ERC2: variants seen among roughly 807,000 people sequenced by gnomAD.
ERC2 encodes the protein ELKS/RAB6-interacting/CAST family member 2, also known as ERC protein 2.
ERC2 carries 42 observed loss-of-function variants against 114.8 expected under a neutral mutation model. The ratio of observed to expected loss-of-function variants is 0.37; its 90% CI spans 0.29 to 0.47. ERC2 has a LOEUF of 0.47. Ranked by LOEUF, ERC2 falls within the 20% of genes least tolerant of loss-of-function variation. The pLI, the probability that ERC2 is intolerant of heterozygous loss-of-function variation, is 0.99. For synonymous variants in ERC2, 454 were observed against 425.5 expected, an observed-to-expected ratio of 1.07 and a Z score of -0.82; for missense variants, 939 against 1,150.7, an observed-to-expected ratio of 0.82 and a Z score of 2.66.
rs564053565 is a variant in ERC2, at chr3:55,723,692, A to G, written c.2712+11079T>C. On this transcript the variant is annotated intron_variant, in intron 15 of 17. Transcript: ENST00000288221. ...TGAAAAATCCTTTTCCTTAATTTTCAGGAAAAAAATCCTGATACTATTATT... is the reference window on the plus strand; with the variant it reads ...TGAAAAATCCTTTTCCTTAATTTTCGGGAAAAAAATCCTGATACTATTATT... 3.3e-5 allele frequency among the ~76,000 whole-genome samples: 5 copies of G among 152,340 alleles called. No homozygotes were observed. In the South Asian group the frequency reaches 1.0e-3, roughly 32 times the overall value.
intron 10 of ERC2, among the ~76,000 whole-genome samples, chr3:55,997,153 T>C (rs2071585156): frequency 6.6e-6 from 1 of 152,118 alleles, no homozygotes; most frequent in African/African-American, 2.4e-5. Flanking sequence ...AAAAATCATT[T>C]CCCTCAAAAT....
At chr3:55,853,194 G>T (rs1276279680) in intron 14 of ERC2, among the ~76,000 whole-genome samples, 1 of 152,222 alleles carries the variant, frequency 6.6e-6, no homozygotes, top group Non-Finnish European at 1.5e-5. Context: ...ATGGAAGCTT[G>T]ATGAATCAAC....
At chr3:55,536,228 C>G (rs2053992004) in intron 17 of ERC2, among the ~76,000 whole-genome samples, 2 of 152,142 alleles carry the variant, frequency 1.3e-5, no homozygotes, top group Admixed American at 1.3e-4. Context: ...TTCTCCTGTC[C>G]TCCTTCACTG....
intron 7 of ERC2, among the ~76,000 whole-genome samples, chr3:56,068,916 T>C (rs957993363): frequency 6.6e-5 from 10 of 152,336 alleles, no homozygotes; most frequent in Non-Finnish European, 1.2e-4. Flanking sequence ...ACTGTTATGA[T>C]TTCAGTTCTT....
At chr3:56,265,311 T>C (rs972736771) in intron 3 of ERC2, among the ~76,000 whole-genome samples, 3 of 151,918 alleles carry the variant, frequency 2.0e-5, no homozygotes, top group Non-Finnish European at 2.9e-5. Flanking sequence ...GCATATATGG[T>C]CAACTAATTT....
At chr3:55,519,665 T>A (rs565660284) in intron 17 of ERC2, among the ~76,000 whole-genome samples, 1 of 152,172 alleles carries the variant, frequency 6.6e-6, no homozygotes, top group South Asian at 2.1e-4. Context: ...GGGTTTGATA[T>A]TATCTAGGCT....
intron 10 of ERC2, among the ~76,000 whole-genome samples, chr3:56,001,552 TGAAA>T (rs2072061645): frequency 6.6e-6 from 1 of 152,060 alleles, no homozygotes; most frequent in African/African-American, 2.4e-5. Flanking sequence ...AATTAGTCAC[TGAAA>T]AGACTGAAAA....
chr3:55,964,892 T>C (rs754472984), intron 12 of ERC2, among the ~76,000 whole-genome samples: 2 of 152,210 alleles, frequency 1.3e-5, no homozygotes, highest in East Asian at 1.9e-4. Flanking sequence ...GGCTTCTCTC[T>C]GGTCTGAAAG....
At chr3:56,014,088 T>C (rs999042718) in intron 8 of ERC2, among the ~76,000 whole-genome samples, 8 of 143,446 alleles carry the variant, frequency 5.6e-5, no homozygotes, top group Admixed American at 2.1e-4. Context: ...GCTTTTATTC[T>C]TCATCGCTAT....
intron 14 of ERC2, among the ~76,000 whole-genome samples, chr3:55,768,508 C>G (rs529024932): frequency 8.3e-4 from 126 of 152,252 alleles, no homozygotes; most frequent in Non-Finnish European, 1.6e-3. Flanking sequence ...AAAAATGAAA[C>G]TTCAGATAAA....
intron 14 of ERC2, among the ~76,000 whole-genome samples, chr3:55,850,156 T>C (rs746138302): frequency 3.7e-4 from 57 of 152,356 alleles, no homozygotes; most frequent in South Asian, 6.2e-4. Flanking sequence ...CTGGTCTGTG[T>C]CTCTGTGTAT....
chr3:56,315,017 A>T (rs2056796120), intron 2 of ERC2, among the ~76,000 whole-genome samples: 1 of 152,198 alleles, frequency 6.6e-6, no homozygotes, highest in African/African-American at 2.4e-5. Flanking sequence ...ACTGGAGTCA[A>T]ATGTCTTTGG....
chr3:56,311,746 G>A (rs1190415338), intron 2 of ERC2, among the ~76,000 whole-genome samples: 2 of 151,088 alleles, frequency 1.3e-5, no homozygotes, highest in African/African-American at 4.9e-5. Context: ...ATTTTTACCC[G>A]TTAATCAACT....
intron 3 of ERC2, among the ~76,000 whole-genome samples, chr3:56,223,520 A>C (rs1363177955): frequency 2.4e-4 from 2 of 8,504 alleles, no homozygotes; most frequent in South Asian, 0.026. Context: ...AAAAATGGCA[A>C]AAAAAAAAAA....
chr3:55,853,210 G>C (rs1340807499), intron 14 of ERC2, among the ~76,000 whole-genome samples: 1 of 152,148 alleles, frequency 6.6e-6, no homozygotes, highest in East Asian at 1.9e-4. Flanking sequence ...TCAACCAACT[G>C]AAAATTAAAA....
intron 2 of ERC2, among the ~76,000 whole-genome samples, chr3:56,344,567 G>T (rs965314077): frequency 6.6e-6 from 1 of 152,154 alleles, no homozygotes; most frequent in African/African-American, 2.4e-5. Flanking sequence ...AGAAAGGGTG[G>T]ACCTGACACC....
At chr3:55,961,938 A>T (rs1293614481) in intron 12 of ERC2, among the ~76,000 whole-genome samples, 4 of 150,992 alleles carry the variant, frequency 2.6e-5, no homozygotes, top group African/African-American at 9.7e-5. Context: ...TCCAAGTCTT[A>T]TCTTATCCTC....
intron 10 of ERC2, among the ~76,000 whole-genome samples, chr3:55,995,200 G>A (rs2071412219): frequency 6.6e-6 from 1 of 152,134 alleles, no homozygotes; most frequent in Non-Finnish European, 1.5e-5. Flanking sequence ...GGGCATTGAG[G>A]CACACGCCTG....
chr3:56,036,737 G>A (rs1001569189), intron 7 of ERC2, among the ~76,000 whole-genome samples: 3 of 152,106 alleles, frequency 2.0e-5, no homozygotes, highest in African/African-American at 7.2e-5. Flanking sequence ...GGGAAACCAC[G>A]CTTTTTCTAT....
Sources: gnomAD v4.1 joint callset for allele counts (sites outside exome capture counted in the v4.1 genomes callset) on GRCh38, gnomAD v4.1.1 for gene constraint, MANE v1.5 for transcripts, NCBI Gene and HGNC (gene_info 2026-07-23, HGNC 2026-07-21) for gene names.